The following AP2A1 variants were observed in gnomAD, a reference collection of about 807,000 sequenced individuals.
The protein encoded by AP2A1 is adaptor related protein complex 2 subunit alpha 1.
AP2A1 carries 21 observed loss-of-function variants against 107.3 expected under a neutral mutation model. That is an observed-to-expected ratio of 0.20 (90% CI 0.14 to 0.28). AP2A1 has a LOEUF of 0.28. AP2A1 is among the 10% of genes least tolerant of loss of function. AP2A1 has a pLI of 1.00. For missense variants in AP2A1, 873 were observed against 1,307.7 expected, an observed-to-expected ratio of 0.67 and a Z score of 5.13; for synonymous variants, 602 against 564.8, an observed-to-expected ratio of 1.07 and a Z score of -0.93.
At chr19:49,799,246 A>G (rs971726676) in intron 8 of AP2A1, 81 bp from the exon 9 acceptor site, 52 of 1,477,464 alleles carry the variant, frequency 3.5e-5, no homozygotes, top group Non-Finnish European at 4.6e-5. Flanking sequence ...GGGCTGTGAG[A>G]TGGGTCAGCT....
chr19:49,799,446 C>T lies in AP2A1; in HGVS notation c.1085C>T (p.Ser362Phe). 6.2e-7 allele frequency: 1 copy of T among 1,611,842 alleles called. No individual in the cohort carries two copies. The highest frequency in any genetic ancestry group is 8.5e-7 in the Non-Finnish European group (1 of 1,179,378). The change falls in exon 9 of 23, where the codon TCC becomes TTC. Residue 362 changes from serine (S) to phenylalanine (F), a missense_variant. This residue lies in a region of AP2A1 where 213 missense variants were observed against 443.5 expected (regional missense o/e 0.48). Transcript: ENST00000354293. ...TGCACGCTGGCCAGCTCCGAGTTCT[C>T]CCATGAAGCCGTCAAGACGCACATT... is the stretch of plus-strand genomic sequence containing the variant. ...SMCTLASSEFSHEAVKTHIDT... is the reference protein window; with the variant it reads ...SMCTLASSEFFHEAVKTHIDT...
Position 49,802,105 on chromosome 19 carries a change from C to T in AP2A1, c.2078C>T (p.Pro693Leu), listed in dbSNP as rs1282454958. The change falls in exon 15 of 23, where the codon CCC (proline) becomes CTC (leucine). Residue 693 changes from proline to leucine, a missense_variant. Pro to Leu is a moderately conservative substitution (Grantham distance 98, BLOSUM62 -3). Coordinates refer to ENST00000354293, the MANE Select transcript of AP2A1 (RefSeq NM_130787.3). ...VDVFDGPAAQ[P>L]SLGPTPEEAF... ...GTCTTCGATGGCCCGGCCGCCCAGC[C>T]CAGCCTGGGGCCCACCCCCGAGGAG... The T allele has an allele frequency of 1.3e-5, 21 of 1,589,812 alleles. No individual in the cohort carries two copies. Among genetic ancestry groups the T allele is most frequent in the Non-Finnish European group, 1.6e-5 (19 of 1,174,170 alleles).
intron 4 of AP2A1, among the ~76,000 whole-genome samples, chr19:49,787,180 T>C (rs1440671308): frequency 6.6e-6 from 1 of 151,162 alleles, no homozygotes; most frequent in African/African-American, 2.4e-5. Context: ...CTAATTTTTG[T>C]ATTTCTTTTT....
chr19:49,802,569 C>G, intron 15 of AP2A1: 1 of 1,603,130 alleles, frequency 6.2e-7, no homozygotes, highest in Non-Finnish European at 8.5e-7. Flanking sequence ...AGCCCCATGG[C>G]TTTGCTGGCT....
Position 49,805,746 on chromosome 19 carries a change from G to C in AP2A1, c.2554G>C (p.Asp852His). Residue 852 changes from aspartate (D) to histidine (H), a missense_variant, in exon 20 of 23, where the codon GAT (aspartate) becomes CAT (histidine). Transcript: ENST00000354293. Reference protein sequence around the residue: ...FFQPTEMAAQDFFQRWKQLSL... With the variant: ...FFQPTEMAAQHFFQRWKQLSL... ...CCAGCCCACCGAGATGGCGGCCCAG[G>C]ATTTCTTCCAGCGCTGGAAGCAGCT... 7.2e-7 allele frequency: 1 copy of C among 1,386,598 alleles called. No homozygotes were observed. 85.9% of individuals were successfully genotyped at this position (1,386,598 alleles called of 1,614,324 possible). A position where few individuals can be genotyped will look rare whatever the true frequency, so the allele number is the denominator to read the frequency against.
intron 1 of AP2A1, among the ~76,000 whole-genome samples, chr19:49,775,344 C>T (rs1600216487): frequency 2.0e-5 from 3 of 152,122 alleles, no homozygotes; most frequent in African/African-American, 7.2e-5. Flanking sequence ...GAGATGGAGT[C>T]TTGCTGTATG....
chr19:49,791,881 G>A (rs986966775), intron 4 of AP2A1, 54 bp from the exon 5 acceptor site: 3 of 1,542,754 alleles, frequency 1.9e-6, no homozygotes, highest in Admixed American at 1.9e-5. Flanking sequence ...GGGGAGGTGT[G>A]CAGGGCTGGG....
rs1471969064 is a variant in AP2A1 at position 49,801,636 on chromosome 19, C to CCCCCA, written c.1785+25_1785+29dup. 6.4e-7 allele frequency: 1 copy of CCCCCA among 1,573,410 alleles called. No homozygotes were observed. Among genetic ancestry groups the CCCCCA allele is most frequent in the African/African-American group, 1.4e-5 (1 of 73,114 alleles). ...CCGACGTCCTGGTCAGAGCCCTGTC[C>CCCCCA]CCCCACCCCACCCCTCTTGCACACC... On this transcript the variant is annotated intron_variant, in intron 13 of 22. Coordinates refer to ENST00000354293, the MANE Select transcript of AP2A1 (RefSeq NM_130787.3).
intron 1 of AP2A1, among the ~76,000 whole-genome samples, chr19:49,775,844 C>T (rs1317094323): frequency 6.6e-6 from 1 of 152,182 alleles, no homozygotes; most frequent in Non-Finnish European, 1.5e-5. Context: ...GCCTGTGTTA[C>T]CTTCATAAAT....
rs1362796455 is a variant in AP2A1 at position 49,799,886 on chromosome 19, G to A, written c.1273-82G>A. ...CCTGGACTCCTGGGTCTCCAGATGG[G>A]GGCAGTGGTGAGCCCAGATCCAGGT... is the stretch of plus-strand genomic sequence containing the variant. On this transcript the variant is annotated intron_variant, in intron 10 of 22. Coordinates refer to ENST00000354293, the MANE Select transcript of AP2A1 (RefSeq NM_130787.3). 45 of 1,573,760 alleles carry A rather than the reference G, an allele frequency of 2.9e-5. No homozygotes were observed. The South Asian group carries it at 4.9e-4, about 17-fold the overall frequency.
At chr19:49,790,696 C>T (rs539481915) in intron 4 of AP2A1, among the ~76,000 whole-genome samples, 1 of 152,316 alleles carries the variant, frequency 6.6e-6, no homozygotes, top group East Asian at 1.9e-4. Context: ...CACCCTAACC[C>T]CCAGAACCTG....
intron 4 of AP2A1, among the ~76,000 whole-genome samples, chr19:49,786,243 T>C (rs1260728775): frequency 2.0e-5 from 3 of 152,210 alleles, no homozygotes; most frequent in Non-Finnish European, 2.9e-5. Context: ...AAAAATATAA[T>C]GCAAGCCACA....
chr19:49,779,063 G>A lies in AP2A1; in HGVS notation c.68-2694G>A, dbSNP rs929012775. ...AAAAAAAAAAAAATTAGGGCTGGGC[G>A]AAGTGGCTCACTCCTGTAATCCCAA... On this transcript the variant is annotated intron_variant, in intron 1 of 22. Transcript: ENST00000354293. Among the ~76,000 whole-genome samples the A allele has an allele frequency of 9.9e-4, 150 of 150,922 alleles. 1 individual carries two copies. The highest frequency in any genetic ancestry group is 3.4e-3 in the African/African-American group (141 of 41,190).
In AP2A1 at chr19:49,801,847, C is replaced by T. The variant is rs768526880; in HGVS notation, c.1911C>T (p.Ser637=). 4 of 1,508,854 alleles carry T rather than the reference C, an allele frequency of 2.7e-6. No individual in the cohort carries two copies. The South Asian group carries it at 5.3e-5, about 20-fold the overall frequency. The allele number at this position is 1,508,854 out of a possible 1,614,324, so 93.5% of individuals were successfully genotyped here. Residue 637 remains serine (S), a synonymous_variant, in exon 14 of 23, where the codon AGC becomes AGT. Coordinates refer to ENST00000354293, the MANE Select transcript of AP2A1 (RefSeq NM_130787.3). ...ACGATGGCCGGAGGGACCCCAGCAG[C>T]AACGACATCAACGGGGGCATGGAGC... ...ALDDGRRDPS[S]NDINGGMEPT... is the part of the protein sequence containing the mutation.
chr19:49,795,594 C>G, intron 6 of AP2A1, 36 bp from the exon 7 acceptor site: 1 of 923,220 alleles, frequency 1.1e-6, no homozygotes, highest in Non-Finnish European at 1.7e-6. Flanking sequence ...CCCTCCCACC[C>G]CAGCCCCCAA....
intron 11 of AP2A1, 76 bp from the exon 12 acceptor site, chr19:49,800,885 G>A: frequency 8.3e-7 from 1 of 1,210,668 alleles, no homozygotes; most frequent in Admixed American, 2.4e-5. Context: ...CCACCAGTCA[G>A]TAGGTGGCTG....
In AP2A1 at chr19:49,799,785, G is replaced by C. The variant is rs770393212; in HGVS notation, c.1272+19G>C. On this transcript the variant is annotated intron_variant, in intron 10 of 22. Coordinates refer to ENST00000354293, the MANE Select transcript of AP2A1 (RefSeq NM_130787.3). ...GGAGATCGTGAGTGCTGTGGGGTGC[G>C]GGCTGGACTCTTGGGTCTGAGGCAG... 5 of 1,609,862 alleles carry C rather than the reference G, an allele frequency of 3.1e-6. No individual in the cohort carries two copies. The highest frequency in any genetic ancestry group is 4.2e-6 in the Non-Finnish European group (5 of 1,178,380).
intron 1 of AP2A1, among the ~76,000 whole-genome samples, chr19:49,770,487 C>T (rs1045439241): frequency 6.6e-6 from 1 of 152,144 alleles, no homozygotes; most frequent in Non-Finnish European, 1.5e-5. Context: ...GGAGAAGGTG[C>T]AACATACAAA....
intron 5 of AP2A1, 23 bp from the exon 6 acceptor site, chr19:49,792,968 T>A: frequency 6.4e-7 from 1 of 1,574,424 alleles, no homozygotes; most frequent in East Asian, 2.3e-5. Flanking sequence ...GGGGCCTGAC[T>A]TGTCTCTCCT....
Sources: allele counts gnomAD v4.1 joint callset (sites outside exome capture counted in the v4.1 genomes callset), GRCh38; gene constraint gnomAD v4.1.1; regional missense constraint gnomAD v4.1.1; transcripts MANE v1.5; gene names NCBI Gene and HGNC (gene_info 2026-07-23, HGNC 2026-07-21).